Variants in SPATA6 observed in about 807,000 individuals in gnomAD.
SPATA6 encodes spermatogenesis associated 6.
In SPATA6, 56 loss-of-function variants were observed where a neutral mutation model predicts 65.3. That is an observed-to-expected ratio of 0.86 (90% CI 0.69 to 1.07). The LOEUF (loss-of-function observed/expected upper bound fraction) is 1.07. Among genes scored for constraint, SPATA6 ranks in the 50% least tolerant of loss-of-function variants. SPATA6 has a pLI of 0.00. For missense variants in SPATA6, 590 were observed against 594.8 expected, an observed-to-expected ratio of 0.99 and a Z score of 0.08; for synonymous variants, 199 against 213.2, an observed-to-expected ratio of 0.93 and a Z score of 0.58.
the SPATA6 span, among the ~76,000 whole-genome samples, chr1:48,276,777 C>T: frequency 0.022 from 3,388 of 152,110 alleles, 120 homozygotes; most frequent in African/African-American, 0.076. Context: ...AGAATGAGTA[C>T]GATGTGGTGC....
At chr1:48,367,370 T>TA (rs1386829044) in intron 9 of SPATA6, among the ~76,000 whole-genome samples, 3 of 152,180 alleles carry the variant, frequency 2.0e-5, no homozygotes, top group Non-Finnish European at 4.4e-5. Context: ...TCTGTCTCGT[T>TA]AATCTGTCTA....
intron 11 of SPATA6, among the ~76,000 whole-genome samples, chr1:48,330,750 C>G (rs1412416984): frequency 6.6e-6 from 1 of 152,244 alleles, no homozygotes; most frequent in Admixed American, 6.5e-5. Flanking sequence ...CATAGCCAGA[C>G]AGGCAATACC....
At chr1:48,394,624 T>C (rs1478047338) in intron 8 of SPATA6, among the ~76,000 whole-genome samples, 1 of 152,062 alleles carries the variant, frequency 6.6e-6, no homozygotes. Flanking sequence ...GAAATAGAGA[T>C]GAAGCTCACT....
intron 3 of SPATA6, among the ~76,000 whole-genome samples, chr1:48,447,002 A>G (rs1322724128): frequency 6.6e-6 from 1 of 152,102 alleles, no homozygotes. Context: ...TGCTAACATG[A>G]GGATGATGAT....
intron 11 of SPATA6, among the ~76,000 whole-genome samples, chr1:48,330,389 G>A (rs1449472914): frequency 1.3e-5 from 2 of 152,208 alleles, no homozygotes; most frequent in East Asian, 1.9e-4. Flanking sequence ...CAGCTGGAGG[G>A]TGCGGCTTCC....
chr1:48,333,775 C>T (rs531739518), intron 11 of SPATA6, among the ~76,000 whole-genome samples: 1 of 151,856 alleles, frequency 6.6e-6, no homozygotes, highest in Admixed American at 6.6e-5. Context: ...TAGCAGAAAA[C>T]AAAGAATAAC....
At chr1:48,401,105 T>TG (rs1051113154) in intron 6 of SPATA6, among the ~76,000 whole-genome samples, 1 of 152,074 alleles carries the variant, frequency 6.6e-6, no homozygotes, top group Non-Finnish European at 1.5e-5. Flanking sequence ...AATCCCTTGC[T>TG]GACCAAAACC....
In SPATA6 at chr1:48,321,168, A is replaced by G. The variant is rs556177273; in HGVS notation, c.1195-15290T>C. On this transcript the variant is annotated intron_variant, in intron 11 of 12. Coordinates refer to ENST00000371847, the MANE Select transcript of SPATA6 (RefSeq NM_019073.4). Reference sequence around the variant, plus strand: ...GGCAGAAGTAAGTCTTTACTTATCAATAATAACACTGAATGAAAATGGACA... The same window carrying G: ...GGCAGAAGTAAGTCTTTACTTATCAGTAATAACACTGAATGAAAATGGACA... 1.7e-4 allele frequency among the ~76,000 whole-genome samples: 26 copies of G among 152,300 alleles called. 1 individual carries two copies. In the South Asian group the frequency reaches 5.4e-3, roughly 32 times the overall value.
At chr1:48,405,190 A>T (rs772112632) in intron 5 of SPATA6, among the ~76,000 whole-genome samples, 2 of 152,222 alleles carry the variant, frequency 1.3e-5, no homozygotes, top group Non-Finnish European at 1.5e-5. Context: ...CATTAGCATC[A>T]CTACAGTCTA....
rs781545066 is a variant in SPATA6, at chr1:48,298,767, C to A, written c.1413G>T (p.Arg471Ser). 4 of 1,613,836 alleles carry A rather than the reference C, an allele frequency of 2.5e-6. No homozygotes were observed. Among genetic ancestry groups the A allele is most frequent in the South Asian group, 2.2e-5 (2 of 91,054 alleles). Residue 471 changes from arginine to serine, a missense_variant, in exon 13 of 13, where the codon AGG becomes AGT. Arg to Ser is a moderately radical substitution (Grantham distance 110). Transcript: ENST00000371847. ...IFENSMDKMYRNLYKKACSSA... is the reference protein window; with the variant it reads ...IFENSMDKMYSNLYKKACSSA... ...AACTACAGGCCTTTTTGTATAAGTT[C>A]CTGTACATCTTGTCCATGCTGTTCT...
chr1:48,429,302 C>A (rs1323741817), intron 3 of SPATA6, among the ~76,000 whole-genome samples: 1 of 152,020 alleles, frequency 6.6e-6, no homozygotes, highest in Non-Finnish European at 1.5e-5. Flanking sequence ...TTCTTTTTCC[C>A]TTTTTGGGAG....
intron 8 of SPATA6, among the ~76,000 whole-genome samples, chr1:48,392,166 A>G (rs1650139165): frequency 6.6e-6 from 1 of 152,154 alleles, no homozygotes; most frequent in Non-Finnish European, 1.5e-5. Context: ...ACTTTGTGAC[A>G]GTTAATCATC....
At chr1:48,271,872 A>G in the SPATA6 span, among the ~76,000 whole-genome samples, 1 of 152,176 alleles carries the variant, frequency 6.6e-6, no homozygotes, top group East Asian at 1.9e-4. Context: ...GCTAAACATG[A>G]GTCAATCAAT....
chr1:48,343,994 C>T (rs1235107428), intron 11 of SPATA6, among the ~76,000 whole-genome samples: 1 of 151,796 alleles, frequency 6.6e-6, no homozygotes, highest in Non-Finnish European at 1.5e-5. Context: ...ACAGGTAGTG[C>T]AAATAGAAAA....
chr1:48,329,509 T>G (rs1193070033), intron 11 of SPATA6, among the ~76,000 whole-genome samples: 1 of 152,142 alleles, frequency 6.6e-6, no homozygotes, highest in Admixed American at 6.5e-5. Flanking sequence ...GGGGACAAAT[T>G]AAACTCGAAT....
Position 48,395,286 on chromosome 1 carries a change from T to C in SPATA6, c.849A>G (p.Gly283=), listed in dbSNP as rs746681311. 2.6e-6 allele frequency: 4 copies of C among 1,566,414 alleles called. No homozygotes were observed. The highest frequency in any genetic ancestry group is 3.7e-5 in the Admixed American group (2 of 54,492). ...GCTTACCATTGTGCACCCTTGACCA[T>C]CCATCTCTTTCACAGTCTCTTCCAG... The part of the protein sequence containing the change: ...GSSGRDCERD[G]WSRVHNDHSH... The change falls in exon 8 of 13, where the codon GGA becomes GGG. Residue 283 remains glycine, a synonymous_variant. Transcript: ENST00000371847.
chr1:48,268,872 A>T, the SPATA6 span, among the ~76,000 whole-genome samples: 2 of 152,190 alleles, frequency 1.3e-5, no homozygotes, highest in Non-Finnish European at 2.9e-5. Context: ...GTACAAAATT[A>T]TCTTTATGCA....
At chr1:48,382,504 CA>C (rs1648793725) in intron 9 of SPATA6, among the ~76,000 whole-genome samples, 1 of 83,890 alleles carries the variant, frequency 1.2e-5, no homozygotes. Context: ...GCTGGCCGGG[CA>C]GAGGGGTCCT....
chr1:48,314,340 T>C (rs1645332015), intron 11 of SPATA6, among the ~76,000 whole-genome samples: 1 of 152,060 alleles, frequency 6.6e-6, no homozygotes, highest in South Asian at 2.1e-4. Context: ...TAACAAACTG[T>C]CTCTCAGACC....
Sources: gnomAD v4.1 joint callset for allele counts (sites outside exome capture counted in the v4.1 genomes callset) on GRCh38, gnomAD v4.1.1 for gene constraint, MANE v1.5 for transcripts, NCBI Gene and HGNC (gene_info 2026-07-23, HGNC 2026-07-21) for gene names.